HHIPL1: variants seen among roughly 807,000 people sequenced by gnomAD.
HHIPL1 encodes HHIP-like protein 1.
A neutral mutation model predicts 61.8 loss-of-function variants in HHIPL1; 43 were observed. That is an observed-to-expected ratio of 0.70 (90% confidence interval 0.55 to 0.90). HHIPL1 has a LOEUF of 0.90. Among genes scored for constraint, HHIPL1 ranks in the 40% least tolerant of loss-of-function variants. The pLI is 0.00. For missense variants in HHIPL1, 1,056 were observed against 1,157.7 expected (o/e 0.91, Z 1.28); for synonymous variants, 482 against 515.8 (o/e 0.93, Z 0.89).
At chr14:99,650,473 G>A (rs778419267) in intron 1 of HHIPL1, among the ~76,000 whole-genome samples, 2 of 152,244 alleles carry the variant, frequency 1.3e-5, no homozygotes, top group Admixed American at 6.5e-5. Flanking sequence ...AGGGAGGCCC[G>A]CAGACAGCCT....
the HHIPL1 span, among the ~76,000 whole-genome samples, chr14:99,633,917 C>T: frequency 2.0e-5 from 3 of 152,210 alleles, no homozygotes; most frequent in Non-Finnish European, 2.9e-5. Flanking sequence ...ATCAGAAGGC[C>T]CCTGGTGTGT....
At chr14:99,613,167 G>A in the HHIPL1 span, among the ~76,000 whole-genome samples, 1 of 152,062 alleles carries the variant, frequency 6.6e-6, no homozygotes, top group Non-Finnish European at 1.5e-5. Context: ...AGTTGTCTGA[G>A]GAGCCCCAGC....
chr14:99,664,226 G>T (rs2056203444), intron 6 of HHIPL1, among the ~76,000 whole-genome samples: 1 of 152,178 alleles, frequency 6.6e-6, no homozygotes, highest in Non-Finnish European at 1.5e-5. Flanking sequence ...CTTTGGAGGG[G>T]TGTCCCCTGC....
In HHIPL1 at chr14:99,659,855, C is replaced by CCT. The variant is rs1555377807; in HGVS notation, c.1375+100_1375+101insTC. The CCT allele has an allele frequency of 2.3e-5, 13 of 563,310 alleles. No individual in the cohort carries two copies. In the East Asian group the frequency reaches 2.7e-4, roughly 12 times the overall value. 34.9% of individuals were successfully genotyped at this position (563,310 alleles called of 1,614,324 possible). A position where few individuals can be genotyped will look rare whatever the true frequency, so the allele number is the denominator to read the frequency against. On this transcript the variant is annotated intron_variant, in intron 4 of 8. Transcript: ENST00000330710. ...CTCCCTCGGAGACCGCACCCCCCCC[C>CCT]CCCCGGAGATCCCTGACCCTGAGTC...
chr14:99,629,923 C>T, the HHIPL1 span, among the ~76,000 whole-genome samples: 1 of 152,196 alleles, frequency 6.6e-6, no homozygotes, highest in South Asian at 2.1e-4. Flanking sequence ...TCTCATTTTC[C>T]CTTCAGTTAC....
At chr14:99,613,898 G>A in the HHIPL1 span, among the ~76,000 whole-genome samples, 1 of 152,148 alleles carries the variant, frequency 6.6e-6, no homozygotes, top group Non-Finnish European at 1.5e-5. Context: ...GCGACAGAGT[G>A]AGATTCCATC....
Position 99,668,697 on chromosome 14 carries a change from A to G in HHIPL1, c.1730+394A>G, listed in dbSNP as rs1435357259. On this transcript the variant is annotated intron_variant, in intron 7 of 8. Coordinates refer to ENST00000330710, the MANE Select transcript of HHIPL1 (RefSeq NM_001127258.3). This position sits in a 1 kb window ranked among gnomAD's most constrained non-coding sequence, Gnocchi z 4.7. ...CCCCAGCCCCCAATTTGCCTCTGTGATGCCTCCCAGATGACACCCTGATCC... is the reference window on the plus strand; with the variant it reads ...CCCCAGCCCCCAATTTGCCTCTGTGGTGCCTCCCAGATGACACCCTGATCC... 13 of 454,956 alleles carry G rather than the reference A, an allele frequency of 2.9e-5. No homozygotes were observed. Among genetic ancestry groups the G allele is most frequent in the Non-Finnish European group, 4.5e-5 (12 of 265,982 alleles). 28.2% of individuals were successfully genotyped at this position (454,956 alleles called of 1,614,324 possible).
intron 7 of HHIPL1, among the ~76,000 whole-genome samples, chr14:99,670,666 T>C (rs762564153): frequency 2.2e-4 from 34 of 152,154 alleles, no homozygotes; most frequent in Non-Finnish European, 4.4e-4. Context: ...TGAGGTCCCA[T>C]CCATTGTTAT....
the HHIPL1 span, among the ~76,000 whole-genome samples, chr14:99,626,542 C>T: frequency 6.6e-6 from 1 of 152,250 alleles, no homozygotes; most frequent in Admixed American, 6.5e-5. Flanking sequence ...GTGCCTCTGT[C>T]AGCCCCAAGC....
chr14:99,661,406 AG>A lies in HHIPL1; in HGVS notation c.1502+1001del, dbSNP rs1566813268. Among the ~76,000 whole-genome samples, 8 of 94,562 alleles carry A rather than the reference AG, an allele frequency of 8.5e-5. No individual in the cohort carries two copies. In the South Asian group the frequency reaches 9.7e-4, roughly 12 times the overall value. The allele number at this position is 94,562 out of a possible 152,430, so 62.0% of individuals were successfully genotyped here. ...AAGAAAGAAAGAGAGAGAAAGAAAG[AG>A]AGAGAGAGAGAAAAGAAGGAAGGAA... On this transcript the variant is annotated intron_variant, in intron 5 of 8. Transcript: ENST00000330710.
At chr14:99,609,757 G>T in the HHIPL1 span, among the ~76,000 whole-genome samples, 2 of 152,226 alleles carry the variant, frequency 1.3e-5, no homozygotes, top group Non-Finnish European at 2.9e-5. Flanking sequence ...CAGGAAGTCC[G>T]CACTGCACAG....
In HHIPL1 at chr14:99,675,165, C is replaced by T. The variant is rs2140098080; in HGVS notation, c.1888C>T (p.Pro630Ser). Residue 630 changes from proline to serine, a missense_variant, in exon 9 of 9, where the codon CCC (proline) becomes TCC (serine). Pro to Ser is a moderately conservative substitution (Grantham distance 74). Coordinates refer to ENST00000330710, the MANE Select transcript of HHIPL1 (RefSeq NM_001127258.3). The surrounding 1 kb of genome is among the most constrained non-coding windows in gnomAD (Gnocchi z 5.4). Reference protein sequence around the residue: ...APTRAPRRGRPTAAPPAPTPR... With the variant: ...APTRAPRRGRSTAAPPAPTPR... The stretch of plus-strand genomic sequence containing the variant: ...CACGCGGGCGCCCCGCCGAGGGCGC[C>T]CCACGGCCGCTCCCCCCGCGCCAAC... 1 of 1,107,948 alleles carries T rather than the reference C, an allele frequency of 9.0e-7. No individual in the cohort carries two copies. The highest frequency in any genetic ancestry group is 1.1e-6 in the Non-Finnish European group (1 of 902,182). 68.6% of individuals were successfully genotyped at this position (1,107,948 alleles called of 1,614,324 possible).
chr14:99,615,713 G>A, the HHIPL1 span, among the ~76,000 whole-genome samples: 1 of 151,136 alleles, frequency 6.6e-6, no homozygotes, highest in Non-Finnish European at 1.5e-5. Context: ...AAGAAAGAAG[G>A]AAAGAAAGAG....
At chr14:99,665,157 C>T (rs528706508) in intron 6 of HHIPL1, among the ~76,000 whole-genome samples, 3 of 152,256 alleles carry the variant, frequency 2.0e-5, no homozygotes, top group African/African-American at 4.8e-5. Context: ...GAACCCCTGA[C>T]CTCAGGTGAC....
chr14:99,680,300 T>G lies in HHIPL1; in HGVS notation c.*4674T>G, dbSNP rs2056427777. On this transcript the variant is annotated 3_prime_UTR_variant, in exon 9 of 9. Transcript: ENST00000330710. Reference sequence around the variant, plus strand: ...AAACCACTCCTCGTATGGTGTCATCTACACCAGTGGGTTTCAAGCTTGAGA... The same window carrying G: ...AAACCACTCCTCGTATGGTGTCATCGACACCAGTGGGTTTCAAGCTTGAGA... 6.6e-6 allele frequency: 1 copy of G among 152,208 alleles called. No individual in the cohort carries two copies. The highest frequency in any genetic ancestry group is 6.5e-5 in the Admixed American group (1 of 15,278). The allele number at this position is 152,208 out of a possible 1,614,324, so 9.4% of individuals were successfully genotyped here. A position where few individuals can be genotyped will look rare whatever the true frequency, so the allele number is the denominator to read the frequency against.
chr14:99,673,562 AG>A (rs1218415182), intron 8 of HHIPL1, among the ~76,000 whole-genome samples: 2 of 27,748 alleles, frequency 7.2e-5, no homozygotes, highest in Non-Finnish European at 1.4e-4. Flanking sequence ...GGTTGCACTG[AG>A]GGGGGTGGCA....
At chr14:99,662,174 G>C (rs76556496) in intron 5 of HHIPL1, among the ~76,000 whole-genome samples, 1 of 152,152 alleles carries the variant, frequency 6.6e-6, no homozygotes, top group South Asian at 2.1e-4. Context: ...CCTCGTACCC[G>C]AGCCAGGGAG....
chr14:99,652,645 C>G lies in HHIPL1; in HGVS notation c.677C>G (p.Ser226Trp), dbSNP rs759273355. The G allele has an allele frequency of 1.2e-6, 2 of 1,613,546 alleles. No individual in the cohort carries two copies. Among genetic ancestry groups the G allele is most frequent in the Non-Finnish European group, 1.7e-6 (2 of 1,179,812 alleles). Residue 226 changes from serine to tryptophan, a missense_variant, in exon 2 of 9, where the codon TCG becomes TGG. Coordinates refer to ENST00000330710, the MANE Select transcript of HHIPL1 (RefSeq NM_001127258.3). ...GTGTGGGCCTACCTGCCCGACCGCTCGAGGCTGGGGAAGCCTTTCCTGAAC... is the reference window on the plus strand; with the variant it reads ...GTGTGGGCCTACCTGCCCGACCGCTGGAGGCTGGGGAAGCCTTTCCTGAAC... ...GLVWAYLPDRSRLGKPFLNIS... is the reference protein window; with the variant it reads ...GLVWAYLPDRWRLGKPFLNIS...
chr14:99,657,205 T>C, intron 3 of HHIPL1, 62 bp downstream of exon 3: 1 of 1,563,122 alleles, frequency 6.4e-7, no homozygotes, highest in Non-Finnish European at 8.7e-7. Flanking sequence ...TCTCATACTC[T>C]TCCAGAGGGT....
Sources: gnomAD v4.1 joint callset for allele counts (sites outside exome capture counted in the v4.1 genomes callset) on GRCh38, gnomAD v4.1.1 for gene constraint, Gnocchi (gnomAD v3.1) non-coding constraint, MANE v1.5 for transcripts, NCBI Gene and HGNC (gene_info 2026-07-23, HGNC 2026-07-21) for gene names.